NRXN1: variants seen among roughly 807,000 people sequenced by gnomAD.
The protein encoded by NRXN1 is neurexin 1, also known as neurexin-1.
NRXN1 carries 39 observed loss-of-function variants against 150.9 expected under a neutral mutation model. The observed-to-expected ratio is 0.26, with a 90% CI of 0.20 to 0.34. The LOEUF (loss-of-function observed/expected upper bound fraction) is 0.34, where lower values mean the gene tolerates loss of function less well. Among genes scored for constraint, NRXN1 ranks in the 10% least tolerant of loss-of-function variants. The probability of loss-of-function intolerance (pLI) is 1.00; values close to 1 mark genes in which losing one functional copy is unlikely to be tolerated. For missense variants in NRXN1, 1,815 were observed against 1,949.9 expected (o/e 0.93, Z 1.30); for synonymous variants, 924 against 757.0 (o/e 1.22, Z -3.62).
At chr2:50,173,459 A>G (rs765921320) in intron 18 of NRXN1, among the ~76,000 whole-genome samples, 5 of 152,210 alleles carry the variant, frequency 3.3e-5, no homozygotes, top group Non-Finnish European at 7.3e-5. Context: ...TGGATTTTGA[A>G]GATTGAGTAC....
chr2:50,705,666 T>C (rs1210666905), intron 5 of NRXN1, among the ~76,000 whole-genome samples: 2 of 152,188 alleles, frequency 1.3e-5, no homozygotes, highest in Non-Finnish European at 2.9e-5. Context: ...AGGAGATAAA[T>C]GAAGTCTCAG....
At chr2:50,417,570 G>A (rs62134975) in intron 17 of NRXN1, among the ~76,000 whole-genome samples, 263 of 151,732 alleles carry the variant, frequency 1.7e-3, no homozygotes, top group Middle Eastern at 6.8e-3. Flanking sequence ...ACTGTGCTTG[G>A]TCCAGAAGAC....
chr2:50,705,127 A>G (rs1486459600), intron 5 of NRXN1, among the ~76,000 whole-genome samples: 1 of 151,886 alleles, frequency 6.6e-6, no homozygotes, highest in Non-Finnish European at 1.5e-5. Context: ...GTAACTCAGA[A>G]CTGAATTAAT....
chr2:50,578,714 T>TA (rs1003385342), intron 8 of NRXN1, among the ~76,000 whole-genome samples: 10 of 151,958 alleles, frequency 6.6e-5, no homozygotes, highest in East Asian at 5.8e-4. Context: ...TATAATAAAT[T>TA]AAAAAAAATG....
chr2:50,506,746 A>G, intron 12 of NRXN1, 129 bp from the exon 13 acceptor site: 1 of 934,136 alleles, frequency 1.1e-6, no homozygotes, highest in East Asian at 2.7e-5. Flanking sequence ...AGAAAGGAAG[A>G]AAGAGAGAGA....
Position 50,021,371 on chromosome 2 carries a change from T to A in NRXN1, c.4128+31900A>T, listed in dbSNP as rs929679390. 6.6e-5 allele frequency among the ~76,000 whole-genome samples: 10 copies of A among 152,162 alleles called. No individual in the cohort carries two copies. In the East Asian group the frequency reaches 1.9e-3, roughly 29 times the overall value. On this transcript the variant is annotated intron_variant, in intron 21 of 22. Transcript: ENST00000401669. ...ACTATATATAGCTAGTATAGCAGGA[T>A]GGAAACTTCTTTTGGTTGGAAAATG...
In NRXN1 at chr2:50,209,954, G is replaced by A. The variant is rs115740755; in HGVS notation, c.3546+26835C>T. Among the ~76,000 whole-genome samples the A allele has an allele frequency of 2.7e-3, 417 of 151,954 alleles. 1 individual carries two copies. Among genetic ancestry groups the A allele is most frequent in the African/African-American group, 9.2e-3 (380 of 41,488 alleles). ...TATATGTACTGTTCTATGTATTAAC[G>A]ATAATGCTGTATTAGTGATCTTATT... is the stretch of plus-strand genomic sequence containing the variant. On this transcript the variant is annotated intron_variant, in intron 18 of 22. Coordinates refer to ENST00000401669, the MANE Select transcript of NRXN1 (RefSeq NM_001330078.2).
intron 17 of NRXN1, among the ~76,000 whole-genome samples, chr2:50,394,633 C>T (rs770988057): frequency 4.6e-5 from 7 of 151,990 alleles, no homozygotes; most frequent in Admixed American, 1.3e-4. Flanking sequence ...CATCCTAATA[C>T]GGTTTTTTTT....
intron 17 of NRXN1, among the ~76,000 whole-genome samples, chr2:50,433,679 AAAG>A (rs558427565): frequency 4.0e-4 from 60 of 151,456 alleles, no homozygotes; most frequent in African/African-American, 1.4e-3. Flanking sequence ...GAGAGAAAGG[AAAG>A]AAGAAGGGAG....
At position 49,920,301 on chromosome 2, in the gene NRXN1, CGAGA is replaced by C. The variant is rs1325785450; in HGVS notation, c.*1639_*1642del. On this transcript the variant is annotated 3_prime_UTR_variant, in exon 23 of 23. Transcript: ENST00000401669. ...AATTACTGAAAAATACTTTCTTAGTCGAGAGAAAGTGTTTACTTTCCAGAAATGT... is the reference window on the plus strand; with the variant it reads ...AATTACTGAAAAATACTTTCTTAGTCGAAAGTGTTTACTTTCCAGAAATGT... 2.6e-5 allele frequency: 4 copies of C among 152,482 alleles called. No homozygotes were observed. Among genetic ancestry groups the C allele is most frequent in the African/African-American group, 7.2e-5 (3 of 41,520 alleles). 9.4% of individuals were successfully genotyped at this position (152,482 alleles called of 1,614,324 possible). A position where few individuals can be genotyped will look rare whatever the true frequency, so the allele number is the denominator to read the frequency against.
At chr2:49,997,997 C>G (rs529600887) in intron 21 of NRXN1, among the ~76,000 whole-genome samples, 1 of 152,242 alleles carries the variant, frequency 6.6e-6, no homozygotes, top group South Asian at 2.1e-4. Context: ...TGCTGCATTG[C>G]TTTTGCTAAA....
intron 5 of NRXN1, among the ~76,000 whole-genome samples, chr2:50,716,821 C>T (rs752052607): frequency 2.0e-5 from 3 of 152,124 alleles, no homozygotes; most frequent in Non-Finnish European, 4.4e-5. Context: ...TCCTTAACTG[C>T]TTATCTCCTT....
chr2:50,270,043 C>G (rs973537120), intron 17 of NRXN1, among the ~76,000 whole-genome samples: 1 of 152,098 alleles, frequency 6.6e-6, no homozygotes, highest in South Asian at 2.1e-4. Context: ...CTATCCCCTC[C>G]GTTTCTGACC....
At chr2:50,460,345 C>A (rs1024779987) in intron 17 of NRXN1, among the ~76,000 whole-genome samples, 2 of 151,978 alleles carry the variant, frequency 1.3e-5, no homozygotes, top group South Asian at 2.1e-4. Flanking sequence ...TTTCTAGGGG[C>A]CAAGGTGGCA....
intron 17 of NRXN1, among the ~76,000 whole-genome samples, chr2:50,425,579 G>A (rs2084411245): frequency 6.6e-6 from 1 of 152,178 alleles, no homozygotes; most frequent in South Asian, 2.1e-4. Flanking sequence ...CCATAATTAT[G>A]TACATCTTGA....
rs1378743226 is a variant in NRXN1, at chr2:50,623,575, G to C, written c.873C>G (p.Tyr291Ter). ...GGTTTTGAGACAAGTCGTAGCAGAA[G>C]TATTCAGATCCTTTGAACGTGGCAA... ...EYIATFKGSE[Y>*]FCYDLSQNPI... Residue 291 changes from tyrosine to a stop codon, truncating the protein, a stop_gained, in exon 6 of 23, where the codon TAC (tyrosine) becomes TAG (stop). Coordinates refer to ENST00000401669, the MANE Select transcript of NRXN1 (RefSeq NM_001330078.2). LOFTEE classifies it high-confidence loss of function. 6.2e-7 allele frequency: 1 copy of C among 1,613,116 alleles called. No individual in the cohort carries two copies. Among genetic ancestry groups the C allele is most frequent in the Non-Finnish European group, 8.5e-7 (1 of 1,179,370 alleles).
chr2:50,489,696 T>C (rs745850117), intron 15 of NRXN1, among the ~76,000 whole-genome samples: 29 of 152,086 alleles, frequency 1.9e-4, no homozygotes, highest in Non-Finnish European at 3.7e-4. Context: ...AAACTAAATA[T>C]AGACAACCCA....
At chr2:50,000,859 A>G (rs62134654) in intron 21 of NRXN1, among the ~76,000 whole-genome samples, 72,218 of 151,982 alleles carry the variant, frequency 0.48, 17,740 homozygotes, top group Middle Eastern at 0.62. Context: ...GTTCTGGCTG[A>G]GATGCGGTGC....
intron 5 of NRXN1, among the ~76,000 whole-genome samples, chr2:50,874,832 C>G (rs1678330814): frequency 6.6e-6 from 1 of 151,732 alleles, no homozygotes; most frequent in Non-Finnish European, 1.5e-5. Context: ...GACAGTCCTT[C>G]ATATTTTTAT....
Sources: allele counts gnomAD v4.1 joint callset (sites outside exome capture counted in the v4.1 genomes callset), GRCh38; gene constraint gnomAD v4.1.1; transcripts MANE v1.5; gene names NCBI Gene and HGNC (gene_info 2026-07-23, HGNC 2026-07-21).